The following PRKG1 variants were observed in gnomAD, a reference collection of about 807,000 sequenced individuals.
The protein encoded by PRKG1 is cGMP-dependent protein kinase 1.
In PRKG1, 35 loss-of-function variants were observed where a neutral mutation model predicts 88.1. The ratio of observed to expected loss-of-function variants is 0.40; its 90% CI spans 0.30 to 0.53. PRKG1 has a LOEUF of 0.53. Ranked by LOEUF, PRKG1 falls within the 20% of genes least tolerant of loss-of-function variation. PRKG1 has a pLI of 0.59. For missense variants in PRKG1, 540 were observed against 839.8 expected (o/e 0.64, Z 4.41); for synonymous variants, 303 against 292.5 (o/e 1.04, Z -0.37).
intron 2 of PRKG1, among the ~76,000 whole-genome samples, chr10:51,427,963 C>A (rs1231059944): frequency 1.3e-5 from 2 of 152,068 alleles, no homozygotes; most frequent in African/African-American, 4.8e-5. Flanking sequence ...TTAATGGAAT[C>A]CATGGAGTGG....
chr10:51,502,309 C>G (rs1841052057), intron 3 of PRKG1, among the ~76,000 whole-genome samples: 1 of 152,092 alleles, frequency 6.6e-6, no homozygotes, highest in Non-Finnish European at 1.5e-5. Context: ...TGGTGTCACT[C>G]AACTGCCTTT....
intron 7 of PRKG1, chr10:52,062,903 A>G: frequency 1.5e-6 from 1 of 674,118 alleles, no homozygotes; most frequent in Non-Finnish European, 2.7e-6. Context: ...CAATCTCTAT[A>G]ACAACTTCAA....
chr10:51,493,619 T>C (rs1840768228), intron 3 of PRKG1, among the ~76,000 whole-genome samples: 1 of 152,188 alleles, frequency 6.6e-6, no homozygotes, highest in Admixed American at 6.5e-5. Flanking sequence ...GTGGTTCCAC[T>C]GGCAATTGTA....
chr10:51,362,648 C>T (rs1842507062), intron 2 of PRKG1, among the ~76,000 whole-genome samples: 1 of 151,710 alleles, frequency 6.6e-6, no homozygotes, highest in Admixed American at 6.6e-5. Flanking sequence ...ATTTATTATA[C>T]TTTAAGTTCT....
intron 5 of PRKG1, among the ~76,000 whole-genome samples, chr10:51,979,208 T>C (rs1248356980): frequency 1.3e-5 from 2 of 151,962 alleles, no homozygotes; most frequent in Non-Finnish European, 2.9e-5. Flanking sequence ...TCAGCATCTA[T>C]TGAGATCATG....
At chr10:51,186,085 A>G (rs950796771) in intron 2 of PRKG1, among the ~76,000 whole-genome samples, 2 of 151,880 alleles carry the variant, frequency 1.3e-5, no homozygotes, top group African/African-American at 2.4e-5. Context: ...ATCTTTTTGT[A>G]TCTTAGCAAG....
intron 1 of PRKG1, among the ~76,000 whole-genome samples, chr10:51,121,113 T>G (rs1023172096): frequency 1.2e-4 from 19 of 152,144 alleles, no homozygotes. Flanking sequence ...TGAGATCATC[T>G]CTCCTGTCTC....
chr10:51,392,584 C>T (rs952863556), intron 2 of PRKG1, among the ~76,000 whole-genome samples: 1 of 151,890 alleles, frequency 6.6e-6, no homozygotes. Flanking sequence ...CCCCACCTTT[C>T]CCCCCTTTCT....
chr10:51,235,105 C>T (rs934458430), intron 2 of PRKG1, among the ~76,000 whole-genome samples: 3 of 152,076 alleles, frequency 2.0e-5, no homozygotes, highest in Admixed American at 1.3e-4. Flanking sequence ...TTCCTAAGAA[C>T]GATATTCCAT....
At chr10:52,079,845 A>G (rs1003008372) in intron 7 of PRKG1, among the ~76,000 whole-genome samples, 8 of 152,180 alleles carry the variant, frequency 5.3e-5, no homozygotes, top group Non-Finnish European at 1.0e-4. Context: ...GTAGGAGGAT[A>G]CTTTTACATT....
intron 7 of PRKG1, among the ~76,000 whole-genome samples, chr10:52,120,730 C>T (rs1847801112): frequency 2.0e-5 from 3 of 152,202 alleles, no homozygotes; most frequent in Admixed American, 6.5e-5. Context: ...AGCCCCGCCC[C>T]TGTGTCTTTG....
intron 5 of PRKG1, among the ~76,000 whole-genome samples, chr10:52,002,304 T>C (rs1844619605): frequency 6.6e-6 from 1 of 152,112 alleles, no homozygotes; most frequent in Admixed American, 6.6e-5. Flanking sequence ...CTGTCTGCTT[T>C]TGTCATCACT....
chr10:52,263,552 A>C (rs756824410), intron 10 of PRKG1, among the ~76,000 whole-genome samples: 2 of 151,806 alleles, frequency 1.3e-5, no homozygotes, highest in Non-Finnish European at 2.9e-5. Flanking sequence ...GCCCATTTAG[A>C]AATACTCTCC....
At chr10:52,189,497 C>T (rs996529873) in intron 9 of PRKG1, among the ~76,000 whole-genome samples, 8 of 152,098 alleles carry the variant, frequency 5.3e-5, no homozygotes, top group Non-Finnish European at 8.8e-5. Context: ...GTCAGATCCG[C>T]GGCATTAGAT....
At chr10:51,541,922 C>A (rs1042719763) in intron 3 of PRKG1, among the ~76,000 whole-genome samples, 8 of 152,048 alleles carry the variant, frequency 5.3e-5, no homozygotes, top group Admixed American at 4.6e-4. Context: ...AGCAGCATAA[C>A]AGGTTTGAAT....
chr10:51,463,450 T>C (rs981020563), intron 2 of PRKG1, among the ~76,000 whole-genome samples: 1 of 151,966 alleles, frequency 6.6e-6, no homozygotes, highest in Non-Finnish European at 1.5e-5. Flanking sequence ...GCAAATGGAG[T>C]CAGTGTAAAA....
intron 2 of PRKG1, among the ~76,000 whole-genome samples, chr10:51,200,004 A>G (rs1406187311): frequency 6.6e-6 from 1 of 152,228 alleles, no homozygotes; most frequent in Non-Finnish European, 1.5e-5. Flanking sequence ...AAGAAAGCCT[A>G]CAAAACACTA....
chr10:52,061,955 A>T (rs188334870), intron 6 of PRKG1, among the ~76,000 whole-genome samples: 165 of 152,206 alleles, frequency 1.1e-3, no homozygotes, highest in African/African-American at 3.9e-3. Flanking sequence ...TGTTCATTTC[A>T]GCAGAATGAA....
intron 3 of PRKG1, among the ~76,000 whole-genome samples, chr10:51,730,651 G>A (rs369893767): frequency 2.0e-5 from 3 of 152,108 alleles, no homozygotes; most frequent in East Asian, 1.9e-4. Flanking sequence ...ATACACACAC[G>A]TATCTGACAA....
Sources: gnomAD v4.1 joint callset for allele counts (sites outside exome capture counted in the v4.1 genomes callset) on GRCh38, gnomAD v4.1.1 for gene constraint, MANE v1.5 for transcripts, NCBI Gene and HGNC (gene_info 2026-07-23, HGNC 2026-07-21) for gene names.